Variants in DLG2 observed in about 807,000 individuals in gnomAD.
DLG2 encodes the protein disks large homolog 2.
A neutral mutation model predicts 132.5 loss-of-function variants in DLG2; 45 were observed. That is an observed-to-expected ratio of 0.34 (90% CI 0.27 to 0.44). DLG2 has a LOEUF of 0.44. DLG2 is among the 20% of genes least tolerant of loss of function. The pLI, the probability that DLG2 is intolerant of heterozygous loss-of-function variation, is 1.00. For synonymous variants in DLG2, 424 were observed against 419.6 expected (o/e 1.01, Z -0.13); for missense variants, 1,045 against 1,196.9 (o/e 0.87, Z 1.87).
chr11:84,267,710 T>C (rs116430287), intron 7 of DLG2, among the ~76,000 whole-genome samples: 41 of 152,336 alleles, frequency 2.7e-4, no homozygotes, highest in African/African-American at 9.9e-4. Context: ...TTTCTCTGTG[T>C]CTTTCTTTGA....
At chr11:83,475,771 TG>T (rs142098240) in intron 22 of DLG2, among the ~76,000 whole-genome samples, 4,960 of 152,184 alleles carry the variant, frequency 0.033, 298 homozygotes, top group African/African-American at 0.11. Context: ...TTTCTTTTGC[TG>T]TTGTGTCATC....
At chr11:85,592,919 C>T (rs2079462393) in intron 3 of DLG2, among the ~76,000 whole-genome samples, 2 of 147,678 alleles carry the variant, frequency 1.4e-5, no homozygotes, top group Admixed American at 1.4e-4. Context: ...CACCACTGCA[C>T]TCTAGCTTGG....
chr11:84,135,107 G>T (rs1328376551), intron 9 of DLG2, among the ~76,000 whole-genome samples: 5 of 152,024 alleles, frequency 3.3e-5, no homozygotes, highest in Non-Finnish European at 7.4e-5. Context: ...AGCTTTCTGA[G>T]AGTAAGAATT....
At chr11:84,225,310 T>A (rs2154330879) in intron 8 of DLG2, among the ~76,000 whole-genome samples, 1 of 152,326 alleles carries the variant, frequency 6.6e-6, no homozygotes, top group East Asian at 1.9e-4. Context: ...AACATGCATA[T>A]CACACACACA....
intron 6 of DLG2, among the ~76,000 whole-genome samples, chr11:85,068,963 A>C (rs1318549914): frequency 6.6e-6 from 1 of 152,168 alleles, no homozygotes; most frequent in Non-Finnish European, 1.5e-5. Context: ...GATACAGAGC[A>C]ATGGAACAGA....
rs562854933 is a variant in DLG2, at chr11:83,979,634, A to C, written c.1056+872T>G. ...GTCAATCACTGCCTAGGACTACTGA[A>C]GCATGTGAGAAGCTGGCAAATGAAA... On this transcript the variant is annotated intron_variant, in intron 12 of 27. Coordinates refer to ENST00000376104, the MANE Select transcript of DLG2 (RefSeq NM_001142699.3). Among the ~76,000 whole-genome samples, 8 of 152,288 alleles carry C rather than the reference A, an allele frequency of 5.3e-5. No individual in the cohort carries two copies. The South Asian group carries it at 1.7e-3, about 32-fold the overall frequency.
chr11:83,905,343 TG>T (rs981092291), intron 15 of DLG2, among the ~76,000 whole-genome samples: 1 of 152,156 alleles, frequency 6.6e-6, no homozygotes, highest in African/African-American at 2.4e-5. Context: ...ACCCATCCTC[TG>T]GGGCTCCATT....
chr11:85,499,756 GT>G (rs2093753252), intron 3 of DLG2, among the ~76,000 whole-genome samples: 1 of 152,124 alleles, frequency 6.6e-6, no homozygotes, highest in Non-Finnish European at 1.5e-5. Context: ...CCATGATCAC[GT>G]CTGCTTCATC....
intron 6 of DLG2, among the ~76,000 whole-genome samples, chr11:84,841,923 A>G (rs566976990): frequency 1.3e-5 from 2 of 152,100 alleles, no homozygotes; most frequent in African/African-American, 2.4e-5. Flanking sequence ...TGCTATATGG[A>G]CAGCTTTGTG....
intron 7 of DLG2, among the ~76,000 whole-genome samples, chr11:84,308,273 G>C (rs780036949): frequency 2.0e-5 from 3 of 152,130 alleles, no homozygotes; most frequent in Admixed American, 6.5e-5. Context: ...TAGATACAGA[G>C]TGTGGACACA....
chr11:83,864,478 T>A (rs1356279), intron 16 of DLG2, among the ~76,000 whole-genome samples: 1 of 151,982 alleles, frequency 6.6e-6, no homozygotes, highest in African/African-American at 2.4e-5. Flanking sequence ...TAAATGGTGC[T>A]TGTCCCCTGC....
intron 19 of DLG2, among the ~76,000 whole-genome samples, chr11:83,615,397 G>A (rs1005391542): frequency 2.0e-5 from 3 of 152,114 alleles, no homozygotes; most frequent in Non-Finnish European, 2.9e-5. Context: ...GGTCATAATC[G>A]CTCTTGGCTT....
intron 6 of DLG2, among the ~76,000 whole-genome samples, chr11:84,981,263 A>C (rs982341520): frequency 6.6e-6 from 1 of 152,212 alleles, no homozygotes; most frequent in African/African-American, 2.4e-5. Flanking sequence ...TTCTATTACT[A>C]TCTGTGCAGA....
chr11:85,419,756 C>T (rs181517068), intron 3 of DLG2, among the ~76,000 whole-genome samples: 6 of 152,340 alleles, frequency 3.9e-5, no homozygotes, highest in African/African-American at 1.4e-4. Flanking sequence ...TCACAAAGTT[C>T]TCATGCTGTG....
chr11:84,904,714 T>C (rs1350173690), intron 6 of DLG2, among the ~76,000 whole-genome samples: 1 of 152,166 alleles, frequency 6.6e-6, no homozygotes, highest in East Asian at 1.9e-4. Context: ...TAAAACAGTG[T>C]CTAATACACA....
At chr11:83,840,772 G>C (rs2057356226) in intron 16 of DLG2, among the ~76,000 whole-genome samples, 2 of 152,232 alleles carry the variant, frequency 1.3e-5, no homozygotes, top group Admixed American at 6.5e-5. Flanking sequence ...GTGAGACTCT[G>C]CCTTGTTAGA....
At chr11:84,816,803 C>G (rs563749469) in intron 6 of DLG2, among the ~76,000 whole-genome samples, 1 of 151,872 alleles carries the variant, frequency 6.6e-6, no homozygotes. Flanking sequence ...TACATGAAAT[C>G]TCTGTGTAAA....
intron 3 of DLG2, among the ~76,000 whole-genome samples, chr11:85,420,394 GTTAGGAATCTTGGGGGT>G: frequency 1.3e-5 from 2 of 152,316 alleles, no homozygotes; most frequent in African/African-American, 4.8e-5. Context: ...GTGTCTCCCA[GTTAGGAATCTTGGGGGT>G]CAGGGACCCA....
At chr11:84,031,170 A>T (rs187766046) in intron 11 of DLG2, among the ~76,000 whole-genome samples, 1 of 151,198 alleles carries the variant, frequency 6.6e-6, no homozygotes, top group East Asian at 2.0e-4. Context: ...CAATTATACC[A>T]CCCATAAAAC....
Sources: allele counts gnomAD v4.1 joint callset (sites outside exome capture counted in the v4.1 genomes callset), GRCh38; gene constraint gnomAD v4.1.1; transcripts MANE v1.5; gene names NCBI Gene and HGNC (gene_info 2026-07-23, HGNC 2026-07-21).